Variants in ZNF43 observed in about 807,000 individuals in gnomAD.
ZNF43 encodes the protein zinc finger protein 39-like 1 (KOX 27).
Under a neutral mutation model 68.4 loss-of-function variants are expected in ZNF43, and 44 were observed. That is an observed-to-expected ratio of 0.64 (90% CI 0.51 to 0.83). The LOEUF is 0.83. Ranked by LOEUF, ZNF43 falls within the 40% of genes least tolerant of loss-of-function variation. The pLI, the probability that ZNF43 is intolerant of heterozygous loss-of-function variation, is 0.00. For synonymous variants in ZNF43, 308 were observed against 307.8 expected (o/e 1.00, Z -0.01); for missense variants, 896 against 933.2 (o/e 0.96, Z 0.52).
rs947232013 is a variant in ZNF43 at position 21,805,948 on chromosome 19, A to T, written c.*1659T>A. Reference sequence around the variant, plus strand: ...TACAATGGTCTTAACACATTTTTTTAAAAGTTATATTTACATGTAATCTAA... The same window carrying T: ...TACAATGGTCTTAACACATTTTTTTTAAAGTTATATTTACATGTAATCTAA... On this transcript the variant is annotated 3_prime_UTR_variant, in exon 4 of 4. Coordinates refer to ENST00000354959, the MANE Select transcript of ZNF43 (RefSeq NM_003423.4). 4 of 151,658 alleles carry T rather than the reference A, an allele frequency of 2.6e-5. No homozygotes were observed. The highest frequency in any genetic ancestry group is 1.9e-4 in the East Asian group (1 of 5,202). The allele number at this position is 151,658 out of a possible 1,614,324, so 9.4% of individuals were successfully genotyped here.
At chr19:21,826,517 T>C (rs1161586848) in intron 1 of ZNF43, 1 of 152,164 alleles carries the variant, frequency 6.6e-6, no homozygotes, top group Non-Finnish European at 1.5e-5. Flanking sequence ...AGGCTCAGTT[T>C]CTACTTACAA....
chr19:21,846,621 A>T (rs1364939586), intron 1 of ZNF43, among the ~76,000 whole-genome samples: 1 of 152,210 alleles, frequency 6.6e-6, no homozygotes, highest in Non-Finnish European at 1.5e-5. Context: ...GCCAAGAAAA[A>T]AATAGAGTAA....
At position 21,808,262 on chromosome 19, in the gene ZNF43, T is replaced by A. The variant is rs773431108; in HGVS notation, c.1775A>T (p.Lys592Ile). 1.9e-5 allele frequency: 30 copies of A among 1,613,518 alleles called. No individual in the cohort carries two copies. Among genetic ancestry groups the A allele is most frequent in the Non-Finnish European group, 2.5e-5 (29 of 1,179,864 alleles). Reference protein sequence around the residue: ...TTHKKIHTGEKFYKCEECGKA... With the variant: ...TTHKKIHTGEIFYKCEECGKA... Reference sequence around the variant, plus strand: ...GCCACATTCTTCACATTTGTAGAATTTCTCTCCAGTATGAATTTTCTTATG... The same window carrying A: ...GCCACATTCTTCACATTTGTAGAATATCTCTCCAGTATGAATTTTCTTATG... The change falls in exon 4 of 4, where the codon AAA (lysine) becomes ATA (isoleucine). Residue 592 changes from lysine (K) to isoleucine (I), a missense_variant. Lys to Ile is a moderately radical substitution (Grantham distance 102). Coordinates refer to ENST00000354959, the MANE Select transcript of ZNF43 (RefSeq NM_003423.4).
intron 1 of ZNF43, among the ~76,000 whole-genome samples, chr19:21,831,167 G>A (rs184769965): frequency 1.1e-3 from 164 of 152,230 alleles, no homozygotes; most frequent in African/African-American, 3.6e-3. Context: ...GAAGTTGGAA[G>A]CATTTCTCTT....
intron 3 of ZNF43, among the ~76,000 whole-genome samples, chr19:21,813,540 C>A (rs2037381944): frequency 6.6e-6 from 1 of 152,004 alleles, no homozygotes; most frequent in African/African-American, 2.4e-5. Context: ...TATTATGTCA[C>A]CTGAAATTAG....
At position 21,807,682 on chromosome 19, in the gene ZNF43, A is replaced by T. The variant is rs746519030; in HGVS notation, c.2355T>A (p.Thr785=). ...CTTCAGGTTTGTAGAGTTTCTCTCC[A>T]GTATGAATTTTGTTATGTGTAGTAA... is the stretch of plus-strand genomic sequence containing the variant. ...SNLTTHNKIH[T]GEKLYKPEDV... is the part of the protein sequence containing the mutation. The change falls in exon 4 of 4, where the codon ACT becomes ACA. Residue 785 remains threonine (T), a synonymous_variant. Transcript: ENST00000354959. 6.2e-7 allele frequency: 1 copy of T among 1,608,082 alleles called. No homozygotes were observed. Among genetic ancestry groups the T allele is most frequent in the South Asian group, 1.1e-5 (1 of 90,240 alleles).
chr19:21,840,305 G>C (rs148762134), upstream of ZNF43: 782 of 152,702 alleles, frequency 5.1e-3, no homozygotes, highest in Middle Eastern at 0.01. Context: ...CCAGGCAGGA[G>C]AGTCAAATCA....
chr19:21,829,254 C>A (rs1318343285), intron 1 of ZNF43, among the ~76,000 whole-genome samples: 1 of 151,168 alleles, frequency 6.6e-6, no homozygotes, highest in South Asian at 2.1e-4. Context: ...ACACCACACA[C>A]AAAAAAAACT....
intron 1 of ZNF43, 141 bp from the exon 2 acceptor site, chr19:21,819,362 A>G (rs1237597824): frequency 1.1e-6 from 1 of 952,142 alleles, no homozygotes; most frequent in African/African-American, 1.7e-5. Context: ...ATTATCCAAT[A>G]AAATAATTCT....
At chr19:21,848,303 G>A (rs955797625) in intron 1 of ZNF43, among the ~76,000 whole-genome samples, 3 of 151,776 alleles carry the variant, frequency 2.0e-5, no homozygotes, top group South Asian at 2.1e-4. Flanking sequence ...GCCACCACAC[G>A]TGGCTAATTT....
At chr19:21,811,236 A>G (rs923658929) in intron 3 of ZNF43, among the ~76,000 whole-genome samples, 6 of 152,204 alleles carry the variant, frequency 3.9e-5, no homozygotes, top group Non-Finnish European at 7.3e-5. Context: ...AAATTTGATT[A>G]AAAACTATAG....
At chr19:21,841,307 A>G (rs1012850638) in intron 1 of ZNF43, 1 of 152,212 alleles carries the variant, frequency 6.6e-6, no homozygotes, top group Non-Finnish European at 1.5e-5. Flanking sequence ...CATCACCTGC[A>G]TGCTGAGTCG....
chr19:21,816,476 C>T (rs570838570), intron 3 of ZNF43, among the ~76,000 whole-genome samples: 2 of 152,268 alleles, frequency 1.3e-5, no homozygotes, highest in Admixed American at 1.3e-4. Context: ...TTCTTAACTA[C>T]AGACCAGAAA....
intron 1 of ZNF43, among the ~76,000 whole-genome samples, chr19:21,844,921 A>AAAAAAATATAT (rs1310761266): frequency 1.5e-4 from 4 of 26,052 alleles, no homozygotes; most frequent in African/African-American, 6.5e-4. Context: ...AAAAAAAAAA[A>AAAAAAATATAT]ATATATATAT....
intron 1 of ZNF43, among the ~76,000 whole-genome samples, chr19:21,844,921 A>AAAAAAAAAAAAAT (rs1310761266): frequency 1.2e-4 from 3 of 26,052 alleles, no homozygotes; most frequent in African/African-American, 6.5e-4. Context: ...AAAAAAAAAA[A>AAAAAAAAAAAAAT]ATATATATAT....
At chr19:21,821,421 A>G (rs2037839654) in intron 1 of ZNF43, among the ~76,000 whole-genome samples, 1 of 152,114 alleles carries the variant, frequency 6.6e-6, no homozygotes. Context: ...TTTAGCACCC[A>G]TAAAGCAAGT....
upstream of ZNF43, among the ~76,000 whole-genome samples, chr19:21,839,391 A>G (rs140785657): frequency 2.3e-3 from 345 of 151,274 alleles, 2 homozygotes; most frequent in African/African-American, 7.9e-3. Context: ...GCCCAGCTAC[A>G]TATCACAAGC....
At chr19:21,823,813 T>C (rs7247610) in intron 1 of ZNF43, among the ~76,000 whole-genome samples, 68,805 of 151,614 alleles carry the variant, frequency 0.45, 17,398 homozygotes, top group African/African-American at 0.7. Context: ...AGGTGATCCA[T>C]CCATCTCGGC....
At chr19:21,818,629 C>G (rs2037648322) in intron 2 of ZNF43, among the ~76,000 whole-genome samples, 1 of 152,124 alleles carries the variant, frequency 6.6e-6, no homozygotes, top group South Asian at 2.1e-4. Flanking sequence ...CCATGTTGGT[C>G]AGGCTGGTCT....
Sources: gnomAD v4.1 joint callset for allele counts (sites outside exome capture counted in the v4.1 genomes callset) on GRCh38, gnomAD v4.1.1 for gene constraint, MANE v1.5 for transcripts, NCBI Gene and HGNC (gene_info 2026-07-23, HGNC 2026-07-21) for gene names.